The following LONP2 variants were observed in gnomAD, a reference collection of about 807,000 sequenced individuals.
LONP2 encodes lon peptidase 2, peroxisomal.
A neutral mutation model predicts 85.6 loss-of-function variants in LONP2; 60 were observed. That is an observed-to-expected ratio of 0.70 (90% CI 0.57 to 0.87). The LOEUF (loss-of-function observed/expected upper bound fraction) is 0.87, where lower values mean the gene tolerates loss of function less well. LONP2 is among the 40% of genes least tolerant of loss of function. The pLI, the probability that LONP2 is intolerant of heterozygous loss-of-function variation, is 0.00. For missense variants in LONP2, 860 were observed against 1,063.5 expected (o/e 0.81, Z 2.66); for synonymous variants, 395 against 389.7 (o/e 1.01, Z -0.16).
intron 11 of LONP2, among the ~76,000 whole-genome samples, chr16:48,327,582 C>G (rs1385480798): frequency 6.6e-6 from 1 of 152,108 alleles, no homozygotes; most frequent in Non-Finnish European, 1.5e-5. Flanking sequence ...GTTAGCCTCT[C>G]AAGTAGCTGG....
At chr16:48,255,586 T>A (rs74016344) in intron 2 of LONP2, among the ~76,000 whole-genome samples, 1,863 of 152,298 alleles carry the variant, frequency 0.012, 40 homozygotes, top group African/African-American at 0.042. Context: ...TTCTAGTTAG[T>A]CCAAATTGAT....
chr16:48,356,182 G>A lies in LONP2; in HGVS notation c.*4380G>A, dbSNP rs989140669. 1 of 152,208 alleles carries A rather than the reference G, an allele frequency of 6.6e-6. No individual in the cohort carries two copies. The highest frequency in any genetic ancestry group is 2.4e-5 in the African/African-American group (1 of 41,452). 9.4% of individuals were successfully genotyped at this position (152,208 alleles called of 1,614,324 possible). On this transcript the variant is annotated 3_prime_UTR_variant, in exon 15 of 15. Transcript: ENST00000285737. The stretch of plus-strand genomic sequence containing the variant: ...GACCGTAAAGTACTGTGATAGTGAT[G>A]TCTACCACTGTGAGCTTCCAGTACT...
intron 11 of LONP2, among the ~76,000 whole-genome samples, chr16:48,310,317 A>G (rs1415375746): frequency 2.0e-5 from 3 of 151,768 alleles, no homozygotes; most frequent in African/African-American, 7.3e-5. Context: ...TCCAGTCATA[A>G]TGTTAATTGC....
chr16:48,309,518 T>TA (rs1481872792), intron 11 of LONP2, among the ~76,000 whole-genome samples: 1 of 152,154 alleles, frequency 6.6e-6, no homozygotes, highest in Non-Finnish European at 1.5e-5. Flanking sequence ...CATATGAACA[T>TA]AGAGTGTGGA....
At chr16:48,315,640 A>G (rs1973124630) in intron 11 of LONP2, among the ~76,000 whole-genome samples, 1 of 152,188 alleles carries the variant, frequency 6.6e-6, no homozygotes, top group South Asian at 2.1e-4. Flanking sequence ...TTAAATTTCA[A>G]CATGAATTTT....
intron 14 of LONP2, among the ~76,000 whole-genome samples, chr16:48,350,167 CTT>C (rs1670756673): frequency 1.3e-5 from 2 of 152,176 alleles, no homozygotes; most frequent in African/African-American, 4.8e-5. Flanking sequence ...GGGCGTATCA[CTT>C]GAGGTTAGGA....
At position 48,353,978 on chromosome 16, in the gene LONP2, G is replaced by A. The variant is rs1233999678; in HGVS notation, c.*2176G>A. ...ATGGAACAGTATGACCATTGCACTA[G>A]CTTTGTTTTTGGTTTGTTTTGTTTT... On this transcript the variant is annotated 3_prime_UTR_variant, in exon 15 of 15. Transcript: ENST00000285737. 3.3e-5 allele frequency: 5 copies of A among 150,686 alleles called. No individual in the cohort carries two copies. In the East Asian group the frequency reaches 9.8e-4, roughly 29 times the overall value. 9.3% of individuals were successfully genotyped at this position (150,686 alleles called of 1,614,324 possible).
In LONP2 at chr16:48,277,455, T is replaced by C; in HGVS notation, c.1359T>C (p.Gly453=). Residue 453 remains glycine, a synonymous_variant, in exon 8 of 15, where the codon GGT becomes GGC. Coordinates refer to ENST00000285737, the MANE Select transcript of LONP2 (RefSeq NM_031490.5). ...EVDKLGKSLQ[G]DPAAALLEVL... is the part of the protein sequence containing the mutation. ...ACAAACTGGGAAAAAGTCTACAGGG[T>C]GATCCAGCAGCAGCTCTGCTTGAGG... 2 of 1,613,748 alleles carry C rather than the reference T, an allele frequency of 1.2e-6. No individual in the cohort carries two copies. The highest frequency in any genetic ancestry group is 1.7e-6 in the Non-Finnish European group (2 of 1,179,808).
chr16:48,362,555 GA>G lies in LONP2; in HGVS notation c.*697del. 1 of 890,530 alleles carries G rather than the reference GA, an allele frequency of 1.1e-6. No homozygotes were observed. The highest frequency in any genetic ancestry group is 1.7e-6 in the Non-Finnish European group (1 of 585,790). 55.2% of individuals were successfully genotyped at this position (890,530 alleles called of 1,614,324 possible). A position where few individuals can be genotyped will look rare whatever the true frequency, so the allele number is the denominator to read the frequency against. ...CAAAATTTACTGAGCAAAAGAGGAA[GA>G]AAAATAGGATTAAAAAAGATATTAA... On this transcript the variant is annotated 3_prime_UTR_variant, in exon 5 of 5. Transcript: ENST00000565867. This position sits in a 1 kb window ranked among gnomAD's most constrained non-coding sequence, Gnocchi z 4.2.
intron 12 of LONP2, among the ~76,000 whole-genome samples, chr16:48,346,526 GTAT>G (rs1959969245): frequency 6.6e-6 from 1 of 152,136 alleles, no homozygotes; most frequent in African/African-American, 2.4e-5. Flanking sequence ...TTATTATGTA[GTAT>G]TGTATAGTCT....
At chr16:48,263,238 T>C (rs1272164254) in intron 6 of LONP2, among the ~76,000 whole-genome samples, 1 of 152,178 alleles carries the variant, frequency 6.6e-6, no homozygotes, top group Non-Finnish European at 1.5e-5. Flanking sequence ...GGTCTAATGT[T>C]AAATTAACAA....
Position 48,254,255 on chromosome 16 carries a change from G to A in LONP2, c.468+1890G>A, listed in dbSNP as rs1422019635. Among the ~76,000 whole-genome samples, 4 of 152,156 alleles carry A rather than the reference G, an allele frequency of 2.6e-5. No homozygotes were observed. In the East Asian group the frequency reaches 7.7e-4, roughly 29 times the overall value. ...CGTCAACTCTAGTTATCACCTCACT[G>A]ACACCCTAGTTCTAGCTCTACTGAA... On this transcript the variant is annotated intron_variant, in intron 2 of 14. Coordinates refer to ENST00000285737, the MANE Select transcript of LONP2 (RefSeq NM_031490.5).
intron 11 of LONP2, among the ~76,000 whole-genome samples, chr16:48,311,943 C>CTT (rs112833019): frequency 2.1e-5 from 3 of 143,826 alleles, no homozygotes; most frequent in Non-Finnish European, 3.1e-5. Flanking sequence ...ACAGCTTCTT[C>CTT]TTTTTTTTTT....
intron 12 of LONP2, among the ~76,000 whole-genome samples, chr16:48,342,453 G>A (rs1448518090): frequency 1.3e-5 from 2 of 152,298 alleles, no homozygotes; most frequent in South Asian, 2.1e-4. Flanking sequence ...ATATAAACCT[G>A]CTGTGCCACC....
intron 11 of LONP2, among the ~76,000 whole-genome samples, chr16:48,316,323 CTTTTTTTT>C (rs776343152): frequency 3.8e-5 from 4 of 106,008 alleles, no homozygotes; most frequent in Non-Finnish European, 5.7e-5. Context: ...CCATTGGATT[CTTTTTTTT>C]TTTTTTTTTT....
At position 48,354,944 on chromosome 16, in the gene LONP2, C is replaced by CA. The variant is rs1387399787; in HGVS notation, c.*3147dup. ...TGACCTATCAAGGTGTTTTGTCAAA[C>CA]AAAAACTAATACTTTCCCTGGGAAA... On this transcript the variant is annotated 3_prime_UTR_variant, in exon 15 of 15. Transcript: ENST00000285737. 1 of 152,264 alleles carries CA rather than the reference C, an allele frequency of 6.6e-6. No homozygotes were observed. The highest frequency in any genetic ancestry group is 2.1e-4 in the South Asian group (1 of 4,824). The allele number at this position is 152,264 out of a possible 1,614,324, so 9.4% of individuals were successfully genotyped here. A position where few individuals can be genotyped will look rare whatever the true frequency, so the allele number is the denominator to read the frequency against.
intron 11 of LONP2, among the ~76,000 whole-genome samples, chr16:48,332,385 G>A (rs1959481027): frequency 6.6e-6 from 1 of 152,078 alleles, no homozygotes; most frequent in South Asian, 2.1e-4. Flanking sequence ...AGACCAGCCT[G>A]GTCAACATGG....
At position 48,291,573 on chromosome 16, in the gene LONP2, A is replaced by G. The variant is rs773361391; in HGVS notation, c.1384-4442A>G. 3.3e-5 allele frequency among the ~76,000 whole-genome samples: 5 copies of G among 152,214 alleles called. No homozygotes were observed. In the South Asian group the frequency reaches 1.0e-3, roughly 32 times the overall value. The stretch of plus-strand genomic sequence containing the variant: ...ATTTCCATTCCCAGTCATACTTTGT[A>G]GGTAGGAATTATAGTCCTAGGATTG... On this transcript the variant is annotated intron_variant, in intron 8 of 14. Coordinates refer to ENST00000285737, the MANE Select transcript of LONP2 (RefSeq NM_031490.5).
chr16:48,276,286 ACT>A (rs1206140402), intron 7 of LONP2, among the ~76,000 whole-genome samples: 1 of 152,054 alleles, frequency 6.6e-6, no homozygotes, highest in Non-Finnish European at 1.5e-5. Context: ...TTCAAAGTTC[ACT>A]CTGTTTATTC....
Sources: gnomAD v4.1 joint callset for allele counts (sites outside exome capture counted in the v4.1 genomes callset) on GRCh38, gnomAD v4.1.1 for gene constraint, Gnocchi (gnomAD v3.1) non-coding constraint, MANE v1.5 for transcripts, NCBI Gene and HGNC (gene_info 2026-07-23, HGNC 2026-07-21) for gene names.